IL3RA: variants seen among roughly 807,000 people sequenced by gnomAD.
IL3RA encodes interleukin-3 receptor subunit alpha.
Under a neutral mutation model 52.3 loss-of-function variants are expected in IL3RA, and 73 were observed. The ratio of observed to expected loss-of-function variants is 1.40; its 90% CI spans 1.16 to 1.70. The LOEUF is 1.70. IL3RA is among the 40% of genes most tolerant of loss of function. The pLI, the probability that IL3RA is intolerant of heterozygous loss-of-function variation, is 0.00. For missense variants in IL3RA, 664 were observed against 504.4 expected (o/e 1.32, Z -3.03); for synonymous variants, 260 against 194.0 (o/e 1.34, Z -2.83).
intron 3 of IL3RA, among the ~76,000 whole-genome samples, chrX:1,346,311 C>T (rs546651368): frequency 2.3e-4 from 35 of 151,966 alleles, no homozygotes; most frequent in African/African-American, 7.0e-4. Context: ...TGGTGGTGGG[C>T]GCCTGTAATC....
At position 1,352,175 on chromosome X, in the gene IL3RA, C is replaced by T. The variant is rs768988382; in HGVS notation, c.374C>T (p.Ala125Val). Residue 125 changes from alanine (A) to valine (V), a missense_variant, in exon 5 of 12, where the codon GCG (alanine) becomes GTG (valine). Transcript: ENST00000331035. ...GTGGATTTCTTGAGCTGCAGCTGGG[C>T]GGTAGGCCCGGGGGCCCCCGCGGAC... The part of the protein sequence containing the change: ...HDVDFLSCSW[A>V]VGPGAPADVQ... 1.8e-5 allele frequency: 29 copies of T among 1,613,658 alleles called. No individual in the cohort carries two copies. Among genetic ancestry groups the T allele is most frequent in the African/African-American group, 2.7e-5 (2 of 74,920 alleles).
chrX:1,379,723 T>C (rs2089041604), intron 10 of IL3RA, among the ~76,000 whole-genome samples: 1 of 152,216 alleles, frequency 6.6e-6, no homozygotes, highest in African/African-American at 2.4e-5. Context: ...GCAGACCAAC[T>C]CGAGGTTTTT....
intron 8 of IL3RA, among the ~76,000 whole-genome samples, chrX:1,361,562 C>T (rs1479794565): frequency 6.6e-6 from 1 of 151,848 alleles, no homozygotes; most frequent in East Asian, 1.9e-4. Context: ...CCAGCCTGGC[C>T]AACATGGTGA....
Position 1,341,804 on chromosome X carries a change from G to C in IL3RA, c.39G>C (p.Leu13=). Residue 13 remains leucine (L), a synonymous_variant, in exon 2 of 12, where the codon CTG becomes CTC. Coordinates refer to ENST00000331035, the MANE Select transcript of IL3RA (RefSeq NM_002183.4). Reference sequence around the variant, plus strand: ...GGCTCACGCTGCTCCTGATCGCCCTGCCCTGTCTCCTGCAAACGAAGGAAG... The same window carrying C: ...GGCTCACGCTGCTCCTGATCGCCCTCCCCTGTCTCCTGCAAACGAAGGAAG... ...LLWLTLLLIA[L]PCLLQTKEDP... 1.9e-6 allele frequency: 3 copies of C among 1,613,922 alleles called. No individual in the cohort carries two copies. Among genetic ancestry groups the C allele is most frequent in the Non-Finnish European group, 2.5e-6 (3 of 1,179,854 alleles).
At chrX:1,381,138 G>A in intron 11 of IL3RA, 34 bp downstream of exon 11, 1 of 1,603,916 alleles carries the variant, frequency 6.2e-7, no homozygotes, top group Non-Finnish European at 8.5e-7. Flanking sequence ...GACGGGTCTG[G>A]AGGCGTGGTG....
At chrX:1,346,466 A>G (rs1402105687) in intron 3 of IL3RA, among the ~76,000 whole-genome samples, 9 of 150,060 alleles carry the variant, frequency 6.0e-5, no homozygotes, top group Non-Finnish European at 1.3e-4. Flanking sequence ...AATTAGCCGG[A>G]TGTGGTGGCA....
chrX:1,351,131 C>T (rs1317042433), intron 4 of IL3RA, among the ~76,000 whole-genome samples: 6 of 150,690 alleles, frequency 4.0e-5, no homozygotes, highest in Non-Finnish European at 7.4e-5. Context: ...TGCTTGAACC[C>T]GGGAGGTGGA....
chrX:1,367,784 G>T (rs2088262247), intron 9 of IL3RA, among the ~76,000 whole-genome samples: 1 of 141,210 alleles, frequency 7.1e-6, no homozygotes, highest in Non-Finnish European at 1.5e-5. Context: ...GGGTGCGCGG[G>T]CTGAGCGGGG....
At position 1,358,847 on chromosome X, in the gene IL3RA, C is replaced by G. The variant is rs2086935737; in HGVS notation, c.733-14C>G. The G allele has an allele frequency of 1.4e-5, 22 of 1,613,346 alleles. No individual in the cohort carries two copies. Among genetic ancestry groups the G allele is most frequent in the Non-Finnish European group, 1.9e-5 (22 of 1,179,654 alleles). On this transcript the variant is annotated splice_polypyrimidine_tract_variant and intron_variant, in intron 7 of 11. Coordinates refer to ENST00000331035, the MANE Select transcript of IL3RA (RefSeq NM_002183.4). Reference sequence around the variant, plus strand: ...GTCCAGACACTCAAAAGTTTGCTTGCTTTTGTGTTGCAGAGAATGCAGCCT... The same window carrying G: ...GTCCAGACACTCAAAAGTTTGCTTGGTTTTGTGTTGCAGAGAATGCAGCCT...
intron 10 of IL3RA, among the ~76,000 whole-genome samples, chrX:1,379,589 G>C (rs750848965): frequency 3.9e-5 from 6 of 152,216 alleles, no homozygotes; most frequent in African/African-American, 1.4e-4. Context: ...AAGCAGGGCC[G>C]GTCCTCCCCT....
At chrX:1,348,202 A>G (rs1333302900) in intron 3 of IL3RA, among the ~76,000 whole-genome samples, 1 of 148,870 alleles carries the variant, frequency 6.7e-6, no homozygotes, top group Non-Finnish European at 1.5e-5. Context: ...ATACTTTAAA[A>G]ATTAGCTGGG....
chrX:1,337,527 A>G (rs1437630872), intron 1 of IL3RA, among the ~76,000 whole-genome samples: 1 of 152,122 alleles, frequency 6.6e-6, no homozygotes, highest in African/African-American at 2.4e-5. Context: ...CTATAGATGA[A>G]TGGAAAAATA....
At chrX:1,360,240 ATC>A (rs1169649765) in intron 8 of IL3RA, among the ~76,000 whole-genome samples, 3 of 28,860 alleles carry the variant, frequency 1.0e-4, no homozygotes, top group Non-Finnish European at 1.9e-4. Flanking sequence ...CTGTCTCTGT[ATC>A]TCTCTCCCTT....
Position 1,343,031 on chromosome X carries a change from C to G in IL3RA, c.64+1202C>G, listed in dbSNP as rs17880504. Among the ~76,000 whole-genome samples the G allele has an allele frequency of 7.1e-4, 108 of 151,724 alleles. 1 individual carries two copies. The highest frequency in any genetic ancestry group is 1.4e-3 in the Non-Finnish European group (95 of 67,930). On this transcript the variant is annotated intron_variant, in intron 2 of 11. Coordinates refer to ENST00000331035, the MANE Select transcript of IL3RA (RefSeq NM_002183.4). The stretch of plus-strand genomic sequence containing the variant: ...AGGAGGTTGCAGTGAGCCTAGATCA[C>G]GCCATTGCACTCCAGCCTGGGCGAC...
chrX:1,361,755 G>GAA lies in IL3RA; in HGVS notation c.759+2889_759+2890dup, dbSNP rs1156722120. ...GTGACAGAGTGAGACTCCGTCTCGAGAAAAAAAAAAAAAAAAAAAAAATGA... is the reference window on the plus strand; with the variant it reads ...GTGACAGAGTGAGACTCCGTCTCGAGAAAAAAAAAAAAAAAAAAAAAAAATGA... On this transcript the variant is annotated intron_variant, in intron 8 of 11. Coordinates refer to ENST00000331035, the MANE Select transcript of IL3RA (RefSeq NM_002183.4). 2.2e-3 allele frequency among the ~76,000 whole-genome samples: 183 copies of GAA among 81,750 alleles called. 4 individuals carry two copies. The highest frequency in any genetic ancestry group is 7.3e-3 in the African/African-American group (148 of 20,284). 53.6% of individuals were successfully genotyped at this position (81,750 alleles called of 152,430 possible).
rs774530196 is a variant in IL3RA at position 1,349,233 on chromosome X, G to C, written c.298+688G>C. On this transcript the variant is annotated intron_variant, in intron 4 of 11. Transcript: ENST00000331035. ...GTCTCACTCTGTCCACCAGGCTGGA[G>C]TGCACTGGCGCGATCTCGGCTCACT... Among the ~76,000 whole-genome samples the C allele has an allele frequency of 7.6e-4, 114 of 150,334 alleles. 1 individual carries two copies. Among genetic ancestry groups the C allele is most frequent in the South Asian group, 1.3e-3 (6 of 4,754 alleles).
chrX:1,348,679 T>TTTC (rs2085915566), intron 4 of IL3RA, 134 bp downstream of exon 4: 2 of 408,376 alleles, frequency 4.9e-6, no homozygotes, highest in East Asian at 3.1e-5. Context: ...TCTTTCTTTC[T>TTTC]TTCTTTCTTT....
chrX:1,348,860 CCT>C (rs1266178409), intron 4 of IL3RA, among the ~76,000 whole-genome samples: 1 of 117,174 alleles, frequency 8.5e-6, no homozygotes, highest in East Asian at 2.1e-4. Flanking sequence ...CACCCTACTT[CCT>C]CTCTCTCCTT....
At chrX:1,357,092 A>G (rs1212054533) in intron 7 of IL3RA, among the ~76,000 whole-genome samples, 1 of 151,814 alleles carries the variant, frequency 6.6e-6, no homozygotes, top group African/African-American at 2.4e-5. Flanking sequence ...AGCTGGGATT[A>G]TGGGCACCCA....
Sources: allele counts gnomAD v4.1 joint callset (sites outside exome capture counted in the v4.1 genomes callset), GRCh38; gene constraint gnomAD v4.1.1; transcripts MANE v1.5; gene names NCBI Gene and HGNC (gene_info 2026-07-23, HGNC 2026-07-21).